Variants in GREB1L observed in about 807,000 individuals in gnomAD.
GREB1L encodes the protein GREB1-like protein.
A neutral mutation model predicts 200.8 loss-of-function variants in GREB1L; 17 were observed. That is an observed-to-expected ratio of 0.08 (90% CI 0.06 to 0.13). The LOEUF is 0.13. Among genes scored for constraint, GREB1L ranks in the 10% least tolerant of loss-of-function variants. The pLI is 1.00. For synonymous variants in GREB1L, 789 were observed against 893.0 expected (o/e 0.88, Z 2.08); for missense variants, 1,657 against 2,367.7 (o/e 0.70, Z 6.23).
At chr18:21,363,215 C>T (rs1171263144) in intron 1 of GREB1L, among the ~76,000 whole-genome samples, 3 of 149,860 alleles carry the variant, frequency 2.0e-5, no homozygotes, top group African/African-American at 7.4e-5. Flanking sequence ...GAATGAATTT[C>T]ACTTTGAATA....
At chr18:21,284,640 G>A (rs1275084516) in intron 1 of GREB1L, among the ~76,000 whole-genome samples, 2 of 152,110 alleles carry the variant, frequency 1.3e-5, no homozygotes, top group Non-Finnish European at 1.5e-5. Flanking sequence ...AGTGAACATC[G>A]TGTACAAATT....
At chr18:21,281,540 A>G (rs1384370435) in intron 1 of GREB1L, among the ~76,000 whole-genome samples, 2 of 152,230 alleles carry the variant, frequency 1.3e-5, no homozygotes, top group Admixed American at 6.5e-5. Flanking sequence ...TAAAAACTCT[A>G]TAGGTAATAG....
intron 7 of GREB1L, among the ~76,000 whole-genome samples, chr18:21,423,633 G>T (rs187396261): frequency 1.5e-3 from 229 of 152,326 alleles, no homozygotes; most frequent in African/African-American, 5.3e-3. Context: ...GCCAAGGCAG[G>T]AGGATCACTT....
chr18:21,357,145 C>T (rs533311312), intron 1 of GREB1L, among the ~76,000 whole-genome samples: 1 of 152,280 alleles, frequency 6.6e-6, no homozygotes, highest in East Asian at 1.9e-4. Context: ...ACGTCTGCCT[C>T]CTGGGTTCAA....
Position 21,341,194 on chromosome 18 carries a change from T to G in GREB1L, c.-119-24833T>G, listed in dbSNP as rs145449629. Among the ~76,000 whole-genome samples, 1,220 of 152,258 alleles carry G rather than the reference T, an allele frequency of 8.0e-3. 27 individuals carry two copies. The highest frequency in any genetic ancestry group is 0.028 in the African/African-American group (1,173 of 41,556). On this transcript the variant is annotated intron_variant, in intron 1 of 32. Transcript: ENST00000424526. ...AGAAAATGGAAGGAGACCCTGTGTG[T>G]TGCAGTCAGCAAATAAGGAGCTATC...
At position 21,516,899 on chromosome 18, in the gene GREB1L, ACAGT is replaced by A. The variant is rs1324972267; in HGVS notation, c.5271+147_5271+150del. 3.6e-4 allele frequency: 234 copies of A among 648,086 alleles called. 1 individual carries two copies. In the African/African-American group the frequency reaches 4.2e-3, roughly 12 times the overall value. The allele number at this position is 648,086 out of a possible 1,614,324, so 40.1% of individuals were successfully genotyped here. Reference sequence around the variant, plus strand: ...GGAGTTTTTTTTTTTTTTTTTTGAGACAGTCTGTCCCCTAGGCTGGATGGAGAGC... The same window carrying A: ...GGAGTTTTTTTTTTTTTTTTTTGAGACTGTCCCCTAGGCTGGATGGAGAGC... On this transcript the variant is annotated intron_variant, in intron 30 of 32. Coordinates refer to ENST00000424526, the MANE Select transcript of GREB1L (RefSeq NM_001142966.3).
chr18:21,337,244 T>C (rs1160768632), intron 1 of GREB1L, among the ~76,000 whole-genome samples: 1 of 152,232 alleles, frequency 6.6e-6, no homozygotes, highest in Admixed American at 6.5e-5. Context: ...TCAGTGATTT[T>C]GTGAGGTTTT....
At chr18:21,361,643 C>A (rs1353159096) in intron 1 of GREB1L, among the ~76,000 whole-genome samples, 3 of 151,614 alleles carry the variant, frequency 2.0e-5, no homozygotes, top group Admixed American at 6.6e-5. Context: ...AAGAGTAAAC[C>A]CTTTTAGGGT....
Position 21,441,534 on chromosome 18 carries a change from A to T in GREB1L, c.1204A>T (p.Ile402Leu). The change falls in exon 10 of 33, where the codon ATA becomes TTA. Residue 402 changes from isoleucine (I) to leucine (L), a missense_variant. Ile to Leu is a conservative substitution (Grantham distance 5). This residue lies in a region of GREB1L where 289 missense variants were observed against 345.1 expected (regional missense o/e 0.84). Transcript: ENST00000424526. Reference sequence around the variant, plus strand: ...CTCAGGAGTTAGACCAGTAATTCTGATAGGTAAGGTAATGGAATTCCAAGT... The same window carrying T: ...CTCAGGAGTTAGACCAGTAATTCTGTTAGGTAAGGTAATGGAATTCCAAGT... ...SNSGVRPVIL[I>L]GYGTLPYFYG... is the part of the protein sequence containing the mutation. The T allele has an allele frequency of 4.5e-6, 7 of 1,549,372 alleles. No individual in the cohort carries two copies. Among genetic ancestry groups the T allele is most frequent in the Non-Finnish European group, 6.1e-6 (7 of 1,146,288 alleles).
At chr18:21,520,931 CA>C (rs11313178) in intron 32 of GREB1L, 108 bp downstream of exon 32, 714,145 of 945,566 alleles carry the variant, frequency 0.76, 272,175 homozygotes, top group East Asian at 0.98. Context: ...CGCAGTGGCT[CA>C]ACGCCTGTAA....
At chr18:21,334,731 G>A (rs1266464417) in intron 1 of GREB1L, among the ~76,000 whole-genome samples, 2 of 151,388 alleles carry the variant, frequency 1.3e-5, no homozygotes, top group Non-Finnish European at 2.9e-5. Flanking sequence ...CTGAGATTGC[G>A]CCACTGCACT....
intron 2 of GREB1L, among the ~76,000 whole-genome samples, chr18:21,375,509 G>C (rs1038092890): frequency 1.3e-5 from 2 of 152,050 alleles, no homozygotes; most frequent in Non-Finnish European, 2.9e-5. Context: ...TAGAGATGAG[G>C]CCACATCAGC....
chr18:21,271,459 C>T lies in GREB1L; in HGVS notation c.-120+29066C>T, dbSNP rs73422029. ...GCCAGGAATTTGATACCACCCTAGGCAATACAGTGAGACTCTGTCTCTATA... is the reference window on the plus strand; with the variant it reads ...GCCAGGAATTTGATACCACCCTAGGTAATACAGTGAGACTCTGTCTCTATA... On this transcript the variant is annotated intron_variant, in intron 1 of 32. Coordinates refer to ENST00000424526, the MANE Select transcript of GREB1L (RefSeq NM_001142966.3). Among the ~76,000 whole-genome samples, 1,119 of 151,318 alleles carry T rather than the reference C, an allele frequency of 7.4e-3. 19 individuals carry two copies. Among genetic ancestry groups the T allele is most frequent in the African/African-American group, 0.026 (1,077 of 41,164 alleles).
At chr18:21,302,761 G>A (rs533384205) in intron 1 of GREB1L, among the ~76,000 whole-genome samples, 6 of 152,150 alleles carry the variant, frequency 3.9e-5, no homozygotes, top group East Asian at 3.9e-4. Flanking sequence ...TTGCTCTGTC[G>A]CCCAGGTTGG....
intron 16 of GREB1L, 110 bp from the exon 17 acceptor site, chr18:21,477,054 T>A (rs911619055): frequency 4.3e-6 from 3 of 702,540 alleles, no homozygotes; most frequent in Non-Finnish European, 6.5e-6. Flanking sequence ...CTGCTCCCAA[T>A]TGAAAAGAGA....
chr18:21,317,113 G>A (rs2038882569), intron 1 of GREB1L, among the ~76,000 whole-genome samples: 1 of 151,950 alleles, frequency 6.6e-6, no homozygotes. Context: ...CCAAGCGGGT[G>A]CCGTGTTACG....
intron 4 of GREB1L, among the ~76,000 whole-genome samples, chr18:21,387,043 G>A (rs138958506): frequency 6.2e-4 from 95 of 152,228 alleles, no homozygotes; most frequent in African/African-American, 2.2e-3. Flanking sequence ...ACACCTGATG[G>A]GCTGCTGGGG....
In GREB1L at chr18:21,384,320, A is replaced by C; in HGVS notation, c.272A>C (p.Asp91Ala). The C allele has an allele frequency of 6.4e-7, 1 of 1,551,772 alleles. No individual in the cohort carries two copies. Among genetic ancestry groups the C allele is most frequent in the Non-Finnish European group, 8.7e-7 (1 of 1,146,884 alleles). ...LTVNEMEDDE[D>A]DEEMSDSNSP... is the part of the protein sequence containing the mutation. ...GTTAATGAAATGGAAGATGATGAAGACGATGAAGAAATGTCTGATTCAAAC... is the reference window on the plus strand; with the variant it reads ...GTTAATGAAATGGAAGATGATGAAGCCGATGAAGAAATGTCTGATTCAAAC... The change falls in exon 4 of 33, where the codon GAC becomes GCC. Residue 91 changes from aspartate to alanine, a missense_variant. By Grantham distance (126) the Asp-to-Ala change is moderately radical (BLOSUM62 -2). This residue lies in a region of GREB1L where 121 missense variants were observed against 126.6 expected (regional missense o/e 0.96). Coordinates refer to ENST00000424526, the MANE Select transcript of GREB1L (RefSeq NM_001142966.3).
intron 27 of GREB1L, among the ~76,000 whole-genome samples, chr18:21,509,538 T>C (rs1298643361): frequency 6.6e-6 from 1 of 152,234 alleles, no homozygotes; most frequent in Non-Finnish European, 1.5e-5. Context: ...TTCCTTTCTA[T>C]GCCTTTTCAT....
Sources: allele counts gnomAD v4.1 joint callset (sites outside exome capture counted in the v4.1 genomes callset), GRCh38; gene constraint gnomAD v4.1.1; regional missense constraint gnomAD v4.1.1; transcripts MANE v1.5; gene names NCBI Gene and HGNC (gene_info 2026-07-23, HGNC 2026-07-21).